DGKB: variants seen among roughly 807,000 people sequenced by gnomAD.
DGKB encodes the protein 90 kDa diacylglycerol kinase.
DGKB carries 67 observed loss-of-function variants against 114.3 expected under a neutral mutation model. The observed-to-expected ratio is 0.59, with a 90% CI of 0.48 to 0.72. DGKB has a LOEUF of 0.72. Ranked by LOEUF, DGKB falls within the 30% of genes least tolerant of loss-of-function variation. The probability of loss-of-function intolerance (pLI) is 0.00; values close to 1 mark genes in which losing one functional copy is unlikely to be tolerated. For synonymous variants in DGKB, 398 were observed against 323.1 expected (o/e 1.23, Z -2.49); for missense variants, 907 against 975.2 (o/e 0.93, Z 0.93).
chr7:14,621,063 A>G (rs961481293), intron 15 of DGKB: 2 of 203,374 alleles, frequency 9.8e-6, no homozygotes, highest in Non-Finnish European at 9.7e-6. Context: ...TATAAAGTAT[A>G]CCTGTAAATA....
chr7:14,540,871 C>A (rs1293286162), intron 20 of DGKB, among the ~76,000 whole-genome samples: 1 of 152,150 alleles, frequency 6.6e-6, no homozygotes, highest in Non-Finnish European at 1.5e-5. Context: ...AACTGATCAA[C>A]ACTGTCTTCT....
intron 15 of DGKB, among the ~76,000 whole-genome samples, chr7:14,613,910 T>A (rs1394974274): frequency 6.6e-6 from 1 of 152,110 alleles, no homozygotes; most frequent in Non-Finnish European, 1.5e-5. Flanking sequence ...AATAAGATCC[T>A]TTGAGGTCCC....
At chr7:14,659,230 C>T (rs954040843) in intron 13 of DGKB, among the ~76,000 whole-genome samples, 2 of 152,008 alleles carry the variant, frequency 1.3e-5, no homozygotes, top group Non-Finnish European at 1.5e-5. Flanking sequence ...GGCTATGGTG[C>T]TGAACATATT....
chr7:14,644,500 A>G (rs1429301505), intron 13 of DGKB, among the ~76,000 whole-genome samples: 1 of 152,216 alleles, frequency 6.6e-6, no homozygotes, highest in African/African-American at 2.4e-5. Flanking sequence ...CATGATCTGA[A>G]TGAGAAATTC....
intron 22 of DGKB, 38 bp from the exon 23 acceptor site, chr7:14,338,748 T>A: frequency 8.0e-7 from 1 of 1,244,334 alleles, no homozygotes; most frequent in Non-Finnish European, 1.1e-6. Context: ...ACGGAATATT[T>A]TATCTTTATT....
chr7:14,618,147 C>T (rs1396866175), intron 15 of DGKB, among the ~76,000 whole-genome samples: 1 of 151,362 alleles, frequency 6.6e-6, no homozygotes, highest in African/African-American at 2.4e-5. Context: ...CACGTACACA[C>T]ACATACATCA....
intron 20 of DGKB, among the ~76,000 whole-genome samples, chr7:14,507,613 C>T (rs986027329): frequency 3.3e-5 from 5 of 152,144 alleles, no homozygotes; most frequent in African/African-American, 4.8e-5. Flanking sequence ...TTTCTTCTTT[C>T]ACCCTTTCTT....
chr7:14,154,665 G>A (rs1170639554), intron 25 of DGKB, among the ~76,000 whole-genome samples: 1 of 151,238 alleles, frequency 6.6e-6, no homozygotes, highest in African/African-American at 2.4e-5. Flanking sequence ...AGTAAGTAGA[G>A]TATACCTAAA....
At chr7:14,841,051 A>G in intron 2 of DGKB, 143 bp downstream of exon 2, 1 of 638,040 alleles carries the variant, frequency 1.6e-6, no homozygotes, top group Non-Finnish European at 2.6e-6. Context: ...GGTAGTCTCA[A>G]GTCAACCTGA....
chr7:14,493,962 A>C (rs895016134), intron 20 of DGKB, among the ~76,000 whole-genome samples: 9 of 139,148 alleles, frequency 6.5e-5, no homozygotes, highest in South Asian at 2.5e-4. Context: ...ACACACACAC[A>C]TCTATGTACA....
chr7:14,767,678 T>C (rs1273379525), intron 2 of DGKB, among the ~76,000 whole-genome samples: 1 of 151,998 alleles, frequency 6.6e-6, no homozygotes, highest in Non-Finnish European at 1.5e-5. Context: ...ATAGAAATTG[T>C]ATATTTTTTT....
chr7:14,363,390 T>G (rs778022136), intron 21 of DGKB, among the ~76,000 whole-genome samples: 1 of 152,080 alleles, frequency 6.6e-6, no homozygotes, highest in Non-Finnish European at 1.5e-5. Flanking sequence ...CACACAAATA[T>G]TGTGAAATTG....
At position 14,841,305 on chromosome 7, in the gene DGKB, C is replaced by T; in HGVS notation, c.-42G>A. On this transcript the variant is annotated 5_prime_UTR_variant, in exon 2 of 26. Transcript: ENST00000402815. ...TCTGTCACATACCAGGTAAAAGATT[C>T]TTTATTCAGGTGTTGCGCAGAGGTC... 3 of 1,577,814 alleles carry T rather than the reference C, an allele frequency of 1.9e-6. No homozygotes were observed. The highest frequency in any genetic ancestry group is 2.6e-6 in the Non-Finnish European group (3 of 1,150,320).
intron 2 of DGKB, among the ~76,000 whole-genome samples, chr7:14,764,326 T>C (rs999304379): frequency 3.3e-5 from 5 of 152,010 alleles, no homozygotes; most frequent in African/African-American, 1.2e-4. Context: ...TATAGTTAAA[T>C]TGTATTAATT....
Position 14,172,372 on chromosome 7 carries a change from T to C in DGKB, c.2304+4467A>G, listed in dbSNP as rs148426753. Reference sequence around the variant, plus strand: ...GAACAAAAATTGAGATGGGGAAATATTGATGTGGTTTTGCCAGGAATGAGA... The same window carrying C: ...GAACAAAAATTGAGATGGGGAAATACTGATGTGGTTTTGCCAGGAATGAGA... On this transcript the variant is annotated intron_variant, in intron 25 of 25. Transcript: ENST00000402815. Among the ~76,000 whole-genome samples the C allele has an allele frequency of 4.1e-3, 630 of 152,240 alleles. 3 individuals carry two copies. Among genetic ancestry groups the C allele is most frequent in the Non-Finnish European group, 6.5e-3 (445 of 68,008 alleles).
At chr7:14,809,746 C>T (rs2128075267) in intron 2 of DGKB, among the ~76,000 whole-genome samples, 1 of 152,100 alleles carries the variant, frequency 6.6e-6, no homozygotes, top group South Asian at 2.1e-4. Context: ...TGGCTTAGAC[C>T]ATAAAAGTGC....
chr7:14,182,633 C>T (rs751584080), intron 23 of DGKB, among the ~76,000 whole-genome samples: 6 of 152,006 alleles, frequency 3.9e-5, no homozygotes, highest in Non-Finnish European at 8.8e-5. Context: ...ATAATTAGTG[C>T]TGCATTCATC....
chr7:14,369,083 C>G (rs1043849172), intron 21 of DGKB, among the ~76,000 whole-genome samples: 2 of 152,082 alleles, frequency 1.3e-5, no homozygotes, highest in Non-Finnish European at 2.9e-5. Context: ...CACCCCACCC[C>G]CGACAGACCC....
chr7:14,656,757 C>CACAT (rs1219136314), intron 13 of DGKB, among the ~76,000 whole-genome samples: 1 of 150,386 alleles, frequency 6.6e-6, no homozygotes, highest in Non-Finnish European at 1.5e-5. Flanking sequence ...GATATATACA[C>CACAT]ACACACACAC....
Sources: gnomAD v4.1 joint callset for allele counts (sites outside exome capture counted in the v4.1 genomes callset) on GRCh38, gnomAD v4.1.1 for gene constraint, MANE v1.5 for transcripts, NCBI Gene and HGNC (gene_info 2026-07-23, HGNC 2026-07-21) for gene names.